GNB4: variants seen among roughly 807,000 people sequenced by gnomAD.
GNB4 encodes the protein G protein subunit beta 4.
Under a neutral mutation model 45.2 loss-of-function variants are expected in GNB4, and 28 were observed. The ratio of observed to expected loss-of-function variants is 0.62; its 90% confidence interval spans 0.46 to 0.85. The LOEUF (loss-of-function observed/expected upper bound fraction) is 0.85, where lower values mean the gene tolerates loss of function less well. Among genes scored for constraint, GNB4 ranks in the 40% least tolerant of loss-of-function variants. GNB4 has a pLI of 0.00. For synonymous variants in GNB4, 132 were observed against 143.7 expected (o/e 0.92, Z 0.58); for missense variants, 321 against 425.4 (o/e 0.75, Z 2.16).
At chr3:179,489,046 A>T in the GNB4 span, among the ~76,000 whole-genome samples, 2,470 of 37,482 alleles carry the variant, frequency 0.066, 357 homozygotes, top group East Asian at 0.14. Context: ...ATATATATAT[A>T]ATATATATGT....
At chr3:179,459,825 C>T in the GNB4 span, among the ~76,000 whole-genome samples, 24,272 of 152,078 alleles carry the variant, frequency 0.16, 2,234 homozygotes, top group African/African-American at 0.24. Context: ...TAAATGAATG[C>T]CTCAGAAGTT....
At chr3:179,452,627 G>A (rs1400937977), upstream of GNB4, among the ~76,000 whole-genome samples, 4 of 152,106 alleles carry the variant, frequency 2.6e-5, no homozygotes, top group African/African-American at 9.7e-5. Flanking sequence ...GTTTGTGACT[G>A]TGGGGAAAAT....
At chr3:179,450,106 A>G (rs1422991733) in intron 1 of GNB4, among the ~76,000 whole-genome samples, 1 of 152,172 alleles carries the variant, frequency 6.6e-6, no homozygotes, top group Admixed American at 6.5e-5. Context: ...ATAAGATGAT[A>G]TTTTAAAAGT....
At chr3:179,473,496 CATG>C in the GNB4 span, among the ~76,000 whole-genome samples, 1 of 151,860 alleles carries the variant, frequency 6.6e-6, no homozygotes, top group South Asian at 2.1e-4. Context: ...AGTGCAGTTT[CATG>C]ATAATAGCTC....
the GNB4 span, among the ~76,000 whole-genome samples, chr3:179,478,228 T>C: frequency 6.6e-6 from 1 of 152,134 alleles, no homozygotes; most frequent in East Asian, 1.9e-4. Flanking sequence ...GGATAACCCC[T>C]CATGACTTAA....
the GNB4 span, among the ~76,000 whole-genome samples, chr3:179,515,480 A>G: frequency 2.0e-5 from 3 of 151,662 alleles, no homozygotes. Flanking sequence ...AAAGGGGGTT[A>G]TTCTCTGGTG....
At chr3:179,509,168 T>TACACACACAC in the GNB4 span, among the ~76,000 whole-genome samples, 132 of 146,986 alleles carry the variant, frequency 9.0e-4, 1 homozygote, top group African/African-American at 3.4e-3. Flanking sequence ...TATATATACA[T>TACACACACAC]ACACACACAC....
chr3:179,463,893 A>G, the GNB4 span, among the ~76,000 whole-genome samples: 1 of 152,168 alleles, frequency 6.6e-6, no homozygotes, highest in African/African-American at 2.4e-5. Context: ...AGTACTCCAC[A>G]AAGCTTGTCA....
chr3:179,468,031 T>TTAAAAAAAAAAAAAAAA, the GNB4 span, among the ~76,000 whole-genome samples: 26 of 67,314 alleles, frequency 3.9e-4, no homozygotes, highest in African/African-American at 1.6e-3. Flanking sequence ...ATTTTGTTGA[T>TTAAAAAAAAAAAAAAAA]AAAAATATAT....
intron 9 of GNB4, among the ~76,000 whole-genome samples, chr3:179,404,679 G>T (rs917527050): frequency 1.3e-5 from 2 of 152,092 alleles, no homozygotes; most frequent in African/African-American, 4.8e-5. Context: ...GTATAATTTT[G>T]ATTTTTAAAA....
chr3:179,405,237 T>C lies in GNB4; in HGVS notation c.869A>G (p.Asp290Gly). 1 of 1,614,138 alleles carries C rather than the reference T, an allele frequency of 6.2e-7. No homozygotes were observed. Among genetic ancestry groups the C allele is most frequent in the Non-Finnish European group, 8.5e-7 (1 of 1,180,016 alleles). ...KSGRLLLAGY[D>G]DFNCNVWDTL... ...GTCCCATACATTACAATTAAAGTCA[T>C]CGTAACCAGCCAACAAGAGACGCCC... The change falls in exon 9 of 10, where the codon GAT becomes GGT. Residue 290 changes from aspartate (D) to glycine (G), a missense_variant. Asp to Gly is a moderately conservative substitution (Grantham distance 94). Transcript: ENST00000232564.
At chr3:179,495,424 C>A in the GNB4 span, among the ~76,000 whole-genome samples, 14 of 151,680 alleles carry the variant, frequency 9.2e-5, no homozygotes, top group African/African-American at 3.2e-4. Context: ...TGCAGTGAGC[C>A]AAGGTCATGC....
chr3:179,466,219 C>A, the GNB4 span, among the ~76,000 whole-genome samples: 1 of 151,894 alleles, frequency 6.6e-6, no homozygotes, highest in Non-Finnish European at 1.5e-5. Flanking sequence ...TCAAGTTGGC[C>A]GGACTGGTCT....
At chr3:179,483,989 A>T in the GNB4 span, among the ~76,000 whole-genome samples, 1 of 152,212 alleles carries the variant, frequency 6.6e-6, no homozygotes, top group Non-Finnish European at 1.5e-5. Flanking sequence ...CAGAATCTAG[A>T]GCTCAAAAAA....
At chr3:179,517,908 G>C in the GNB4 span, among the ~76,000 whole-genome samples, 1 of 152,120 alleles carries the variant, frequency 6.6e-6, no homozygotes, top group Non-Finnish European at 1.5e-5. Flanking sequence ...ATGTGGGGAC[G>C]CCTGCCTTGG....
At chr3:179,517,355 G>T in the GNB4 span, among the ~76,000 whole-genome samples, 2 of 151,714 alleles carry the variant, frequency 1.3e-5, no homozygotes, top group African/African-American at 4.8e-5. Flanking sequence ...TTATAAAACG[G>T]CCCCACCCCT....
chr3:179,435,113 A>G (rs1021480546), intron 1 of GNB4, among the ~76,000 whole-genome samples: 5 of 152,208 alleles, frequency 3.3e-5, no homozygotes, highest in African/African-American at 1.2e-4. Flanking sequence ...TAACTTGCTT[A>G]AGAATAGAGT....
the GNB4 span, among the ~76,000 whole-genome samples, chr3:179,469,221 G>A: frequency 6.6e-6 from 1 of 152,160 alleles, no homozygotes; most frequent in African/African-American, 2.4e-5. Context: ...TTGGGAAGAT[G>A]TTCTCAGGAT....
the GNB4 span, among the ~76,000 whole-genome samples, chr3:179,488,038 A>G: frequency 7.0e-6 from 1 of 143,874 alleles, no homozygotes; most frequent in Non-Finnish European, 1.5e-5. Flanking sequence ...GCAACAGAGT[A>G]GGACTCTGTC....
Sources: allele counts gnomAD v4.1 joint callset (sites outside exome capture counted in the v4.1 genomes callset), GRCh38; gene constraint gnomAD v4.1.1; transcripts MANE v1.5; gene names NCBI Gene and HGNC (gene_info 2026-07-23, HGNC 2026-07-21).